MTUS1: variants seen among roughly 807,000 people sequenced by gnomAD.
MTUS1 encodes the protein microtubule associated scaffold protein 1.
Under a neutral mutation model 120.8 loss-of-function variants are expected in MTUS1, and 109 were observed. The observed-to-expected ratio is 0.90, with a 90% confidence interval of 0.77 to 1.06. MTUS1 has a LOEUF of 1.06. Among genes scored for constraint, MTUS1 ranks in the 50% least tolerant of loss-of-function variants. MTUS1 has a pLI of 0.00. For synonymous variants in MTUS1, 737 were observed against 550.5 expected, an observed-to-expected ratio of 1.34 and a Z score of -4.74; for missense variants, 2,210 against 1,486.3, an observed-to-expected ratio of 1.49 and a Z score of -8.01.
In MTUS1 at chr8:17,753,976, T is replaced by C. The variant is rs764524187; in HGVS notation, c.1832A>G (p.Asn611Ser). 3 of 1,614,200 alleles carry C rather than the reference T, an allele frequency of 1.9e-6. No individual in the cohort carries two copies. The South Asian group carries it at 3.3e-5, about 18-fold the overall frequency. Reference sequence around the variant, plus strand: ...ACTGGCTTTGTCAACATCTTCCTGATTCGATTTCACGGCAGATGTTGTTCT... The same window carrying C: ...ACTGGCTTTGTCAACATCTTCCTGACTCGATTTCACGGCAGATGTTGTTCT... ...VPRTTSAVKS[N>S]QEDVDKASSS... Residue 611 changes from asparagine to serine, a missense_variant, in exon 2 of 15, where the codon AAT (asparagine) becomes AGT (serine). Asn to Ser is a conservative substitution (Grantham distance 46). Transcript: ENST00000693296.
chr8:17,742,565 G>T (rs1305338114), intron 3 of MTUS1, among the ~76,000 whole-genome samples: 1 of 151,966 alleles, frequency 6.6e-6, no homozygotes, highest in Non-Finnish European at 1.5e-5. Flanking sequence ...TTTCCACCCA[G>T]ATCCTCTGGG....
At chr8:17,731,848 C>G (rs1157956387) in intron 3 of MTUS1, among the ~76,000 whole-genome samples, 1 of 152,234 alleles carries the variant, frequency 6.6e-6, no homozygotes, top group Admixed American at 6.5e-5. Context: ...AACACCTTTC[C>G]TGGTGAGCCA....
rs767068952 is a variant in MTUS1, at chr8:17,649,915, T to C, written c.3432A>G (p.Lys1144=). The C allele has an allele frequency of 6.2e-7, 1 of 1,612,436 alleles. No homozygotes were observed. Among genetic ancestry groups the C allele is most frequent in the Admixed American group, 1.7e-5 (1 of 60,010 alleles). Residue 1144 remains lysine, a synonymous_variant, in exon 13 of 15, where the codon AAA becomes AAG. Transcript: ENST00000693296. ...TCTCATTCTTGATCTCTAACACAGC[T>C]TTCAGGCTTTCTAACTCCTGTTCTA... ...MYLEQELESL[K]AVLEIKNEKL... is the part of the protein sequence containing the mutation.
At chr8:17,746,485 G>A (rs769740277) in intron 2 of MTUS1, among the ~76,000 whole-genome samples, 1 of 152,132 alleles carries the variant, frequency 6.6e-6, no homozygotes, top group Non-Finnish European at 1.5e-5. Flanking sequence ...GAAGGTGAAA[G>A]GTTCATCTTA....
At chr8:17,724,397 C>T (rs369635796) in intron 3 of MTUS1, among the ~76,000 whole-genome samples, 1 of 151,962 alleles carries the variant, frequency 6.6e-6, no homozygotes, top group East Asian at 1.9e-4. Flanking sequence ...TTAAAATCAC[C>T]CAAACAGGAA....
Position 17,656,083 on chromosome 8 carries a change from A to C in MTUS1, c.2906-18T>G. ...AGCAGTGACTGAAAACAGAGGAGAA[A>C]GAAGAGGGAAGAGGTCATTTTATTT... On this transcript the variant is annotated intron_variant, in intron 8 of 14. Transcript: ENST00000693296. 1 of 1,610,500 alleles carries C rather than the reference A, an allele frequency of 6.2e-7. No individual in the cohort carries two copies. The highest frequency in any genetic ancestry group is 8.5e-7 in the Non-Finnish European group (1 of 1,176,646).
intron 8 of MTUS1, among the ~76,000 whole-genome samples, chr8:17,659,673 G>A (rs1489617709): frequency 1.3e-5 from 2 of 152,152 alleles, no homozygotes; most frequent in Non-Finnish European, 2.9e-5. Context: ...ACTCCAGCCT[G>A]GCGACAGGGA....
chr8:17,773,742 A>C (rs1168298971), intron 1 of MTUS1, among the ~76,000 whole-genome samples: 1 of 152,110 alleles, frequency 6.6e-6, no homozygotes, highest in African/African-American at 2.4e-5. Flanking sequence ...CAAACATATA[A>C]AATTTGGGAG....
intron 12 of MTUS1, chr8:17,651,757 C>T (rs1300792477): frequency 1.3e-5 from 2 of 152,148 alleles, no homozygotes; most frequent in Admixed American, 1.3e-4. Context: ...TTGGATGCTT[C>T]TGTGTTCCTC....
chr8:17,754,599 T>C lies in MTUS1; in HGVS notation c.1209A>G (p.Gln403=), dbSNP rs1215012765. 8.7e-6 allele frequency: 14 copies of C among 1,614,124 alleles called. No individual in the cohort carries two copies. The Admixed American group carries it at 1.0e-4, about 12-fold the overall frequency. Residue 403 remains glutamine, a synonymous_variant, in exon 2 of 15, where the codon CAA becomes CAG. Coordinates refer to ENST00000693296, the MANE Select transcript of MTUS1 (RefSeq NM_001363059.2). ...TCAGTCCAAATGACGAGCCCACCTT[T>C]TGTCCTGGCGGGCTACTTAGAATCA... The part of the protein sequence containing the change: ...SELILSSPPG[Q]KVGSSFGLTW...
At chr8:17,732,739 A>C (rs1318308029) in intron 3 of MTUS1, among the ~76,000 whole-genome samples, 7 of 152,032 alleles carry the variant, frequency 4.6e-5, no homozygotes, top group African/African-American at 7.3e-5. Context: ...AGGCTGCACC[A>C]TTCTTCCATT....
chr8:17,775,797 C>T (rs1404124288), intron 1 of MTUS1, among the ~76,000 whole-genome samples: 1 of 152,236 alleles, frequency 6.6e-6, no homozygotes, highest in African/African-American at 2.4e-5. Flanking sequence ...CCTGGTGAGG[C>T]AGCCTGGCCA....
intron 13 of MTUS1, among the ~76,000 whole-genome samples, chr8:17,647,924 T>TATG (rs1367376414): frequency 6.6e-6 from 1 of 152,200 alleles, no homozygotes; most frequent in African/African-American, 2.4e-5. Flanking sequence ...TGTTGCTTAG[T>TATG]TTGGAACCTG....
At chr8:17,756,643 C>A (rs1301280391) in intron 1 of MTUS1, among the ~76,000 whole-genome samples, 1 of 146,412 alleles carries the variant, frequency 6.8e-6, no homozygotes, top group Non-Finnish European at 1.5e-5. Context: ...TGTTCCCCAC[C>A]CCTCTCCAAT....
intron 1 of MTUS1, among the ~76,000 whole-genome samples, chr8:17,764,703 T>C (rs916126802): frequency 1.3e-5 from 2 of 152,188 alleles, no homozygotes; most frequent in East Asian, 3.8e-4. Flanking sequence ...ACAGACGATA[T>C]GGAAATGAAC....
intron 8 of MTUS1, among the ~76,000 whole-genome samples, chr8:17,663,609 T>TG (rs11463390): frequency 0.47 from 71,669 of 151,272 alleles, 19,665 homozygotes; most frequent in Middle Eastern, 0.67. Context: ...TGTTTTGTTT[T>TG]TTTTGAGACA....
chr8:17,754,372 A>G lies in MTUS1; in HGVS notation c.1436T>C (p.Leu479Ser), dbSNP rs2048428603. The change falls in exon 2 of 15, where the codon TTA becomes TCA. Residue 479 changes from leucine to serine, a missense_variant. Coordinates refer to ENST00000693296, the MANE Select transcript of MTUS1 (RefSeq NM_001363059.2). ...EAPVNLCKPS[L>S]GKSTIKTNTP... The stretch of plus-strand genomic sequence containing the variant: ...ATTCGTTTTGATTGTTGATTTTCCT[A>G]AACTGGGTTTACACAGGTTCACAGG... 1.3e-5 allele frequency: 21 copies of G among 1,614,070 alleles called. No homozygotes were observed. The highest frequency in any genetic ancestry group is 1.8e-5 in the Non-Finnish European group (21 of 1,180,024).
chr8:17,658,824 C>T lies in MTUS1; in HGVS notation c.2906-2759G>A, dbSNP rs560082168. ...AACCTGCCATGTGGTGGTAGAAATACCCAAGTCACTTGCCCCCAGTCAGTA... is the reference window on the plus strand; with the variant it reads ...AACCTGCCATGTGGTGGTAGAAATATCCAAGTCACTTGCCCCCAGTCAGTA... On this transcript the variant is annotated intron_variant, in intron 8 of 14. Transcript: ENST00000693296. 8.0e-4 allele frequency among the ~76,000 whole-genome samples: 122 copies of T among 152,226 alleles called. 1 individual carries two copies. The highest frequency in any genetic ancestry group is 2.6e-3 in the African/African-American group (109 of 41,538).
chr8:17,749,571 G>A (rs533233865), intron 2 of MTUS1, among the ~76,000 whole-genome samples: 12 of 147,042 alleles, frequency 8.2e-5, no homozygotes, highest in Non-Finnish European at 1.6e-4. Flanking sequence ...TGAGGCAAGA[G>A]AATCACTTGA....
Sources: gnomAD v4.1 joint callset for allele counts (sites outside exome capture counted in the v4.1 genomes callset) on GRCh38, gnomAD v4.1.1 for gene constraint, MANE v1.5 for transcripts, NCBI Gene and HGNC (gene_info 2026-07-23, HGNC 2026-07-21) for gene names.